The following MTUS1 variants were observed in gnomAD, a reference collection of about 807,000 sequenced individuals.
MTUS1 encodes microtubule-associated tumor suppressor 1.
A neutral mutation model predicts 120.8 loss-of-function variants in MTUS1; 109 were observed. The observed-to-expected ratio is 0.90, with a 90% CI of 0.77 to 1.06. MTUS1 has a LOEUF of 1.06. Among genes scored for constraint, MTUS1 ranks in the 50% least tolerant of loss-of-function variants. The pLI is 0.00. For synonymous variants in MTUS1, 737 were observed against 550.5 expected (o/e 1.34, Z -4.74); for missense variants, 2,210 against 1,486.3 (o/e 1.49, Z -8.01).
At chr8:17,781,656 C>T (rs781190086) in intron 1 of MTUS1, among the ~76,000 whole-genome samples, 11 of 152,144 alleles carry the variant, frequency 7.2e-5, no homozygotes, top group African/African-American at 9.7e-5. Context: ...CCCCTACACA[C>T]GCCAAGAAGA....
At chr8:17,790,590 G>A (rs1407679393) in intron 1 of MTUS1, among the ~76,000 whole-genome samples, 1 of 152,170 alleles carries the variant, frequency 6.6e-6, no homozygotes, top group Non-Finnish European at 1.5e-5. Context: ...TAATCTGAAT[G>A]GCTTACAACA....
intron 7 of MTUS1, among the ~76,000 whole-genome samples, chr8:17,678,210 G>A (rs1813509602): frequency 6.6e-6 from 1 of 152,104 alleles, no homozygotes; most frequent in Non-Finnish European, 1.5e-5. Flanking sequence ...ATGATAAAAT[G>A]CATTATGTCC....
At chr8:17,682,517 CAAAAAAAA>C (rs55901871) in intron 7 of MTUS1, among the ~76,000 whole-genome samples, 3 of 114,988 alleles carry the variant, frequency 2.6e-5, no homozygotes, top group Non-Finnish European at 3.4e-5. Context: ...GACTCCATCC[CAAAAAAAA>C]AAAAAAAAAA....
chr8:17,779,418 T>C (rs1298329331), intron 1 of MTUS1, among the ~76,000 whole-genome samples: 3 of 152,236 alleles, frequency 2.0e-5, no homozygotes, highest in Non-Finnish European at 4.4e-5. Context: ...CATGTATGTA[T>C]TTCCCTGAAA....
intron 8 of MTUS1, among the ~76,000 whole-genome samples, chr8:17,659,269 A>G (rs549085826): frequency 6.6e-6 from 1 of 152,332 alleles, no homozygotes; most frequent in African/African-American, 2.4e-5. Context: ...AAGAGACAAC[A>G]GACAGAGGAG....
chr8:17,666,434 C>T (rs939239961), intron 8 of MTUS1, among the ~76,000 whole-genome samples: 1 of 152,118 alleles, frequency 6.6e-6, no homozygotes. Flanking sequence ...AGAATGGACT[C>T]AATTCACTCG....
chr8:17,658,281 G>C (rs945677081), intron 8 of MTUS1, among the ~76,000 whole-genome samples: 1 of 152,130 alleles, frequency 6.6e-6, no homozygotes, highest in Non-Finnish European at 1.5e-5. Flanking sequence ...TGATGCGCCT[G>C]CCTCGGCCTC....
intron 7 of MTUS1, among the ~76,000 whole-genome samples, chr8:17,682,517 CAAAAAAAAAA>C (rs55901871): frequency 2.6e-5 from 3 of 114,992 alleles, no homozygotes; most frequent in African/African-American, 3.7e-5. Context: ...GACTCCATCC[CAAAAAAAAAA>C]AAAAAAAAAA....
intron 1 of MTUS1, among the ~76,000 whole-genome samples, chr8:17,787,293 C>A (rs1010138584): frequency 1.3e-5 from 2 of 152,208 alleles, no homozygotes; most frequent in African/African-American, 4.8e-5. Context: ...GTCATCCTCC[C>A]AGTAGACAGT....
chr8:17,716,895 C>T (rs947595643), intron 4 of MTUS1, among the ~76,000 whole-genome samples: 4 of 152,124 alleles, frequency 2.6e-5, no homozygotes, highest in Non-Finnish European at 5.9e-5. Flanking sequence ...TTCTAGGCAC[C>T]CAATTCTATT....
At position 17,645,915 on chromosome 8, in the gene MTUS1, T is replaced by G; in HGVS notation, c.*11A>C. 6.8e-6 allele frequency: 11 copies of G among 1,607,556 alleles called. No homozygotes were observed. Among genetic ancestry groups the G allele is most frequent in the Non-Finnish European group, 9.3e-6 (11 of 1,177,996 alleles). ...AATGCTTTCAGAGAGTCTGTGGACT[T>G]TGGGGAGGTGTCATCTGGGTGAAAT... On this transcript the variant is annotated 3_prime_UTR_variant, in exon 15 of 15. Coordinates refer to ENST00000693296, the MANE Select transcript of MTUS1 (RefSeq NM_001363059.2).
At chr8:17,704,562 C>T (rs73200184) in intron 6 of MTUS1, among the ~76,000 whole-genome samples, 6,460 of 152,220 alleles carry the variant, frequency 0.042, 162 homozygotes, top group Middle Eastern at 0.065. Flanking sequence ...GGCACACTTG[C>T]TGAAGATTAG....
chr8:17,667,014 T>C (rs1811064340), intron 8 of MTUS1, among the ~76,000 whole-genome samples: 2 of 152,286 alleles, frequency 1.3e-5, no homozygotes, highest in Admixed American at 1.3e-4. Context: ...TTCTACACAA[T>C]AAGGTATTAA....
intron 4 of MTUS1, chr8:17,721,705 G>A (rs779501683): frequency 4.3e-5 from 66 of 1,544,626 alleles, no homozygotes; most frequent in African/African-American, 5.5e-5. Context: ...AGAAATCGTC[G>A]ACCTACTTTT....
rs1392056210 is a variant in MTUS1 at position 17,755,246 on chromosome 8, C to T, written c.562G>A (p.Gly188Arg). ...CTCCTACCAGTTGGTGGCAGGCTTC[C>T]AGCAGTATGGAAGGACTGACTCTTT... ...IGKSQSFHTA[G>R]SLPPTGRRSG... The change falls in exon 2 of 15, where the codon GGA becomes AGA. Residue 188 changes from glycine to arginine, a missense_variant. By Grantham distance (125) the Gly-to-Arg change is moderately radical. Coordinates refer to ENST00000693296, the MANE Select transcript of MTUS1 (RefSeq NM_001363059.2). 6.2e-7 allele frequency: 1 copy of T among 1,614,158 alleles called. No individual in the cohort carries two copies. Among genetic ancestry groups the T allele is most frequent in the South Asian group, 1.1e-5 (1 of 91,082 alleles).
intron 1 of MTUS1, among the ~76,000 whole-genome samples, chr8:17,782,800 G>C (rs962962587): frequency 6.6e-6 from 1 of 152,096 alleles, no homozygotes; most frequent in Admixed American, 6.6e-5. Context: ...AAACCTGGCC[G>C]GGCATGGTAG....
At chr8:17,718,575 T>G (rs1447536577) in intron 4 of MTUS1, among the ~76,000 whole-genome samples, 1 of 152,096 alleles carries the variant, frequency 6.6e-6, no homozygotes, top group East Asian at 1.9e-4. Context: ...CTAAAGACAG[T>G]GTTCTAGAGA....
chr8:17,713,343 A>G (rs1563250907), intron 5 of MTUS1, 91 bp from the exon 6 acceptor site: 2 of 836,066 alleles, frequency 2.4e-6, no homozygotes, highest in African/African-American at 3.5e-5. Context: ...ATTTTCAAAA[A>G]CAATCAATCG....
chr8:17,735,988 AC>A (rs1352798123), intron 3 of MTUS1, among the ~76,000 whole-genome samples: 14 of 151,964 alleles, frequency 9.2e-5, no homozygotes, highest in African/African-American at 3.4e-4. Flanking sequence ...TTGCTTAGAC[AC>A]CCCCTTATCC....
Sources: gnomAD v4.1 joint callset for allele counts (sites outside exome capture counted in the v4.1 genomes callset) on GRCh38, gnomAD v4.1.1 for gene constraint, MANE v1.5 for transcripts, NCBI Gene and HGNC (gene_info 2026-07-23, HGNC 2026-07-21) for gene names.